The following CLYBL variants were observed in gnomAD, a reference collection of about 807,000 sequenced individuals.
CLYBL encodes citramalyl-CoA lyase.
In CLYBL, 31 loss-of-function variants were observed where a neutral mutation model predicts 38.9. The observed-to-expected ratio is 0.80, with a 90% CI of 0.60 to 1.08. The LOEUF is 1.08. CLYBL is among the 50% of genes least tolerant of loss of function. The pLI is 0.00. For synonymous variants in CLYBL, 171 were observed against 158.6 expected, an observed-to-expected ratio of 1.08 and a Z score of -0.59; for missense variants, 434 against 411.6, an observed-to-expected ratio of 1.05 and a Z score of -0.47.
At chr13:99,799,069 C>T (rs900992109) in intron 2 of CLYBL, among the ~76,000 whole-genome samples, 25 of 152,052 alleles carry the variant, frequency 1.6e-4, no homozygotes, top group African/African-American at 4.6e-4. Context: ...GAAAAGGAAA[C>T]GAGAAATGGC....
intron 1 of CLYBL, among the ~76,000 whole-genome samples, chr13:99,730,142 C>T (rs1048037218): frequency 4.4e-4 from 67 of 152,218 alleles, no homozygotes; most frequent in African/African-American, 1.6e-3. Context: ...GCTGATCTTT[C>T]CAAGGCCTTG....
chr13:99,899,467 T>C (rs1322470502), downstream of CLYBL, among the ~76,000 whole-genome samples: 1 of 152,164 alleles, frequency 6.6e-6, no homozygotes, highest in Non-Finnish European at 1.5e-5. Context: ...GAGGATTAAA[T>C]GAACTACTGT....
intron 2 of CLYBL, among the ~76,000 whole-genome samples, chr13:99,847,008 T>A (rs2051221122): frequency 6.6e-6 from 1 of 152,160 alleles, no homozygotes; most frequent in Non-Finnish European, 1.5e-5. Context: ...TTTTGATATC[T>A]GTGTGAAGGG....
At chr13:99,658,918 G>A (rs1364581630) in intron 1 of CLYBL, among the ~76,000 whole-genome samples, 1 of 152,124 alleles carries the variant, frequency 6.6e-6, no homozygotes, top group Non-Finnish European at 1.5e-5. Context: ...TGCCTTTGAT[G>A]CTGCTGTTTC....
intron 2 of CLYBL, among the ~76,000 whole-genome samples, chr13:99,808,111 G>T (rs779186598): frequency 6.6e-6 from 1 of 151,934 alleles, no homozygotes; most frequent in African/African-American, 2.4e-5. Flanking sequence ...TTTGAAATGG[G>T]GTCTCACTCT....
intron 7 of CLYBL, among the ~76,000 whole-genome samples, chr13:99,872,713 G>T (rs1392286037): frequency 6.6e-6 from 1 of 152,200 alleles, no homozygotes; most frequent in Non-Finnish European, 1.5e-5. Flanking sequence ...AGCATCAAAG[G>T]AGGGCAGTTG....
chr13:99,745,779 G>A lies in CLYBL; in HGVS notation c.63-27045G>A, dbSNP rs567170289. 1.6e-3 allele frequency among the ~76,000 whole-genome samples: 244 copies of A among 152,110 alleles called. 2 individuals are homozygous for A. Among genetic ancestry groups the A allele is most frequent in the Non-Finnish European group, 2.7e-3 (184 of 68,012 alleles). On this transcript the variant is annotated intron_variant, in intron 1 of 8. Coordinates refer to ENST00000339105, the MANE Select transcript of CLYBL (RefSeq NM_206808.5). ...GTGTGTGGTATGGGTCTGGCAATTA[G>A]ACTCAGACTGTGTTTTTTTCTAAAA...
intron 1 of CLYBL, among the ~76,000 whole-genome samples, chr13:99,615,395 T>G (rs1447232374): frequency 1.3e-5 from 2 of 152,216 alleles, no homozygotes; most frequent in Non-Finnish European, 2.9e-5. Flanking sequence ...CTGGGCTCCT[T>G]GGGGAGGAGC....
chr13:99,669,682 T>G (rs1037802288), intron 1 of CLYBL, among the ~76,000 whole-genome samples: 5 of 152,206 alleles, frequency 3.3e-5, no homozygotes, highest in African/African-American at 1.2e-4. Flanking sequence ...GATCCCTATT[T>G]TTAGCTTTTA....
chr13:99,725,705 G>A lies in CLYBL; in HGVS notation c.63-47119G>A, dbSNP rs74773246. Among the ~76,000 whole-genome samples the A allele has an allele frequency of 6.9e-3, 1,052 of 152,332 alleles. 12 individuals are homozygous for A. Among genetic ancestry groups the A allele is most frequent in the Non-Finnish European group, 0.013 (861 of 68,024 alleles). ...TACGTAATGTTTATTTATTGTAAAT[G>A]CAAGGTCTGTTCGGTATCCGTACAT... On this transcript the variant is annotated intron_variant, in intron 1 of 8. Transcript: ENST00000339105.
intron 3 of CLYBL, among the ~76,000 whole-genome samples, chr13:99,860,634 G>A (rs2051577610): frequency 6.6e-6 from 1 of 152,250 alleles, no homozygotes; most frequent in Non-Finnish European, 1.5e-5. Context: ...AGATGGGGGA[G>A]GGGGAGACCC....
intron 7 of CLYBL, among the ~76,000 whole-genome samples, chr13:99,885,284 G>C (rs1566367150): frequency 6.6e-6 from 1 of 152,210 alleles, no homozygotes; most frequent in African/African-American, 2.4e-5. Context: ...GTGACACCTT[G>C]ACATCTGGAA....
rs1199974108 is a variant in CLYBL, at chr13:99,637,876, A to G, written c.62+31119A>G. On this transcript the variant is annotated intron_variant, in intron 1 of 8. Transcript: ENST00000339105. ...TATTTCTGAAAAGCTTTCAAGGAGA[A>G]TTTTTAAACATAGCAGATGCATTAA... Among the ~76,000 whole-genome samples the G allele has an allele frequency of 5.3e-5, 8 of 152,098 alleles. No individual in the cohort carries two copies. The East Asian group carries it at 1.4e-3, about 26-fold the overall frequency.
chr13:99,874,079 T>C (rs1277773891), intron 7 of CLYBL, among the ~76,000 whole-genome samples: 1 of 152,198 alleles, frequency 6.6e-6, no homozygotes, highest in Non-Finnish European at 1.5e-5. Context: ...CTTGGCACCG[T>C]AGTCCAGTAA....
At chr13:99,717,119 A>G (rs569186369) in intron 1 of CLYBL, among the ~76,000 whole-genome samples, 45 of 152,100 alleles carry the variant, frequency 3.0e-4, no homozygotes, top group South Asian at 2.1e-3. Context: ...AACCGCTTGT[A>G]TAAGATATGA....
chr13:99,846,097 T>A (rs1001006929), intron 2 of CLYBL, among the ~76,000 whole-genome samples: 1 of 152,032 alleles, frequency 6.6e-6, no homozygotes, highest in African/African-American at 2.4e-5. Flanking sequence ...TGTTTGTGCC[T>A]GTGAATAGCC....
chr13:99,844,429 G>A (rs149108626), intron 2 of CLYBL, among the ~76,000 whole-genome samples: 1 of 152,210 alleles, frequency 6.6e-6, no homozygotes, highest in Non-Finnish European at 1.5e-5. Flanking sequence ...TCGTTATCAG[G>A]TGATTTTGAA....
intron 2 of CLYBL, among the ~76,000 whole-genome samples, chr13:99,784,449 C>CTCTCTTTTTT (rs71121010): frequency 1.9e-4 from 10 of 52,126 alleles, no homozygotes; most frequent in Admixed American, 5.5e-4. Context: ...AAAATTCTCT[C>CTCTCTTTTTT]TTTTTTTTTT....
At chr13:99,854,826 C>T (rs1249827633) in intron 2 of CLYBL, among the ~76,000 whole-genome samples, 2 of 152,196 alleles carry the variant, frequency 1.3e-5, no homozygotes, top group African/African-American at 4.8e-5. Context: ...AATCCAGTCT[C>T]TGAAATCATA....
Sources: allele counts gnomAD v4.1 joint callset (sites outside exome capture counted in the v4.1 genomes callset), GRCh38; gene constraint gnomAD v4.1.1; transcripts MANE v1.5; gene names NCBI Gene and HGNC (gene_info 2026-07-23, HGNC 2026-07-21).